EBF1: variants seen among roughly 807,000 people sequenced by gnomAD.
EBF1 encodes EBF transcription factor 1.
A neutral mutation model predicts 68.4 loss-of-function variants in EBF1; 10 were observed. That is an observed-to-expected ratio of 0.15 (90% confidence interval 0.09 to 0.25). The LOEUF (loss-of-function observed/expected upper bound fraction) is 0.25. Among genes scored for constraint, EBF1 ranks in the 10% least tolerant of loss-of-function variants. EBF1 has a pLI of 1.00. For missense variants in EBF1, 509 were observed against 794.4 expected (o/e 0.64, Z 4.32); for synonymous variants, 298 against 299.8 (o/e 0.99, Z 0.06).
chr5:158,969,904 GAA>G (rs143280142), intron 6 of EBF1, among the ~76,000 whole-genome samples: 1 of 105,632 alleles, frequency 9.5e-6, no homozygotes, highest in African/African-American at 3.5e-5. Flanking sequence ...AAGAAAGAAA[GAA>G]AGAAAGAAAG....
intron 10 of EBF1, among the ~76,000 whole-genome samples, chr5:158,776,482 G>T (rs542484984): frequency 1.3e-5 from 2 of 152,256 alleles, no homozygotes; most frequent in South Asian, 4.1e-4. Flanking sequence ...TCCCTTCACT[G>T]CTCTGTTATC....
intron 9 of EBF1, among the ~76,000 whole-genome samples, chr5:158,781,516 A>G (rs1278761180): frequency 6.6e-6 from 1 of 152,256 alleles, no homozygotes; most frequent in East Asian, 1.9e-4. Context: ...ATCTCCCCAA[A>G]TAAGTCTTCT....
intron 6 of EBF1, among the ~76,000 whole-genome samples, chr5:159,044,431 C>T (rs1377227228): frequency 6.6e-6 from 1 of 152,054 alleles, no homozygotes; most frequent in Admixed American, 6.6e-5. Context: ...ATTAAACAAA[C>T]CAAAACTATA....
intron 8 of EBF1, among the ~76,000 whole-genome samples, chr5:158,821,482 T>G (rs1161703369): frequency 6.6e-6 from 1 of 152,130 alleles, no homozygotes; most frequent in East Asian, 1.9e-4. Context: ...TGAGCATATT[T>G]TGAAAGTGTG....
intron 9 of EBF1, among the ~76,000 whole-genome samples, chr5:158,781,824 C>A (rs1238576289): frequency 6.6e-6 from 1 of 152,072 alleles, no homozygotes; most frequent in Non-Finnish European, 1.5e-5. Flanking sequence ...TCTAAATGGT[C>A]TCCCTCTACT....
At chr5:158,736,451 T>A (rs960318892) in intron 10 of EBF1, among the ~76,000 whole-genome samples, 1 of 152,212 alleles carries the variant, frequency 6.6e-6, no homozygotes, top group African/African-American at 2.4e-5. Flanking sequence ...ATTTCCTTTT[T>A]TTAATGGTTG....
chr5:158,862,967 G>A (rs1795220457), intron 6 of EBF1, among the ~76,000 whole-genome samples: 1 of 152,144 alleles, frequency 6.6e-6, no homozygotes, highest in South Asian at 2.1e-4. Context: ...TTCCTGAGAG[G>A]TCAGCCTCAA....
intron 6 of EBF1, among the ~76,000 whole-genome samples, chr5:159,012,241 C>G (rs1309217999): frequency 6.6e-6 from 1 of 151,174 alleles, no homozygotes; most frequent in Non-Finnish European, 1.5e-5. Flanking sequence ...GAGCTGAGAT[C>G]GCGCCACTGC....
chr5:158,885,023 C>T (rs946034596), intron 6 of EBF1, among the ~76,000 whole-genome samples: 1 of 152,206 alleles, frequency 6.6e-6, no homozygotes, highest in Non-Finnish European at 1.5e-5. Flanking sequence ...GCAGCAGATG[C>T]AGCATGTGCA....
chr5:158,768,223 A>G (rs1413547791), intron 10 of EBF1, among the ~76,000 whole-genome samples: 1 of 152,112 alleles, frequency 6.6e-6, no homozygotes, highest in African/African-American at 2.4e-5. Flanking sequence ...AAAAGAGAGG[A>G]GAAACCAAAT....
chr5:158,719,883 A>T lies in EBF1; in HGVS notation c.1126-5701T>A, dbSNP rs112812322. 9.0e-3 allele frequency among the ~76,000 whole-genome samples: 1,369 copies of T among 152,220 alleles called. 28 individuals are homozygous for T. The highest frequency in any genetic ancestry group is 0.031 in the African/African-American group (1,302 of 41,534). ...TCTGTGCTTGGCTTTATGCTTACCC[A>T]AATAGGAAATGTTTTCAGGAATGTA... On this transcript the variant is annotated intron_variant, in intron 11 of 15. Coordinates refer to ENST00000313708, the MANE Select transcript of EBF1 (RefSeq NM_024007.5).
At chr5:158,796,213 A>G in intron 9 of EBF1, 132 bp downstream of exon 9, 1 of 1,014,936 alleles carries the variant, frequency 9.9e-7, no homozygotes, top group Non-Finnish European at 1.3e-6. Flanking sequence ...AGTTTCCCCA[A>G]ATTCTGTAGA....
At chr5:158,947,358 G>A (rs939579786) in intron 6 of EBF1, among the ~76,000 whole-genome samples, 8 of 152,208 alleles carry the variant, frequency 5.3e-5, no homozygotes, top group East Asian at 1.9e-4. Context: ...TGTGGGTTGT[G>A]AAGAGCATGG....
chr5:158,964,849 C>T (rs1240561343), intron 6 of EBF1, among the ~76,000 whole-genome samples: 1 of 152,088 alleles, frequency 6.6e-6, no homozygotes, highest in Non-Finnish European at 1.5e-5. Context: ...TGACATCTGC[C>T]TACAAGTAAA....
chr5:159,012,486 T>A (rs1764868818), intron 6 of EBF1, among the ~76,000 whole-genome samples: 1 of 151,760 alleles, frequency 6.6e-6, no homozygotes, highest in Non-Finnish European at 1.5e-5. Context: ...GAGAGTCTTT[T>A]TTTTTTTCTT....
chr5:159,022,760 G>C (rs1197633486), intron 6 of EBF1, among the ~76,000 whole-genome samples: 2 of 152,048 alleles, frequency 1.3e-5, no homozygotes, highest in East Asian at 3.9e-4. Flanking sequence ...AACGCCACTT[G>C]TTTCTCAAAG....
intron 6 of EBF1, among the ~76,000 whole-genome samples, chr5:158,881,360 C>T (rs1320854402): frequency 6.6e-6 from 1 of 152,150 alleles, no homozygotes; most frequent in Non-Finnish European, 1.5e-5. Flanking sequence ...CTTAAATAAT[C>T]CCCTCAAAAT....
intron 6 of EBF1, among the ~76,000 whole-genome samples, chr5:159,064,782 G>A: frequency 6.6e-6 from 1 of 151,250 alleles, no homozygotes; most frequent in Admixed American, 6.6e-5. Flanking sequence ...ACTGTGTAGA[G>A]AAACATGGGT....
At chr5:158,719,121 T>C (rs1761391658) in intron 11 of EBF1, among the ~76,000 whole-genome samples, 1 of 152,228 alleles carries the variant, frequency 6.6e-6, no homozygotes, top group African/African-American at 2.4e-5. Flanking sequence ...AAATTTGGTG[T>C]TCCATTTAGC....
Sources: gnomAD v4.1 joint callset for allele counts (sites outside exome capture counted in the v4.1 genomes callset) on GRCh38, gnomAD v4.1.1 for gene constraint, MANE v1.5 for transcripts, NCBI Gene and HGNC (gene_info 2026-07-23, HGNC 2026-07-21) for gene names.